The following MAML2 variants were observed in gnomAD, a reference collection of about 807,000 sequenced individuals.
The protein encoded by MAML2 is mastermind like transcriptional coactivator 2.
In MAML2, 22 loss-of-function variants were observed where a neutral mutation model predicts 96.1. That is an observed-to-expected ratio of 0.23 (90% CI 0.16 to 0.33). The LOEUF (loss-of-function observed/expected upper bound fraction) is 0.33, where lower values mean the gene tolerates loss of function less well. Among genes scored for constraint, MAML2 ranks in the 10% least tolerant of loss-of-function variants. MAML2 has a pLI of 1.00. For missense variants in MAML2, 1,367 were observed against 1,392.4 expected (o/e 0.98, Z 0.29); for synonymous variants, 561 against 521.3 (o/e 1.08, Z -1.04).
intron 1 of MAML2, among the ~76,000 whole-genome samples, chr11:96,323,182 G>A (rs1309555321): frequency 2.0e-5 from 3 of 151,858 alleles, no homozygotes; most frequent in African/African-American, 7.3e-5. Context: ...AGTGCTGAGG[G>A]TGGGGCTTAG....
chr11:96,106,292 A>T (rs1421296962), intron 1 of MAML2, among the ~76,000 whole-genome samples: 1 of 152,214 alleles, frequency 6.6e-6, no homozygotes, highest in Non-Finnish European at 1.5e-5. Flanking sequence ...AACTTTTGGC[A>T]GGTCAAAATT....
At chr11:95,999,036 T>C (rs1858041215) in intron 2 of MAML2, among the ~76,000 whole-genome samples, 2 of 152,180 alleles carry the variant, frequency 1.3e-5, no homozygotes, top group Non-Finnish European at 2.9e-5. Context: ...GTTAATTGTG[T>C]TTCTCTCAAA....
intron 2 of MAML2, among the ~76,000 whole-genome samples, chr11:96,023,851 T>C (rs1858474227): frequency 6.6e-6 from 1 of 151,952 alleles, no homozygotes; most frequent in Admixed American, 6.6e-5. Flanking sequence ...AAATGTGAGG[T>C]TATTAGGATG....
intron 1 of MAML2, among the ~76,000 whole-genome samples, chr11:96,306,246 A>G (rs1232435493): frequency 6.6e-6 from 1 of 152,196 alleles, no homozygotes; most frequent in African/African-American, 2.4e-5. Flanking sequence ...TTTAGGCTAA[A>G]AATGGAAATT....
intron 1 of MAML2, among the ~76,000 whole-genome samples, chr11:96,144,272 C>T (rs915089107): frequency 6.6e-5 from 10 of 152,232 alleles, no homozygotes; most frequent in African/African-American, 2.4e-4. Flanking sequence ...TAAACAAATA[C>T]GTACATCTAG....
intron 1 of MAML2, among the ~76,000 whole-genome samples, chr11:96,322,302 C>T (rs74740328): frequency 0.064 from 9,748 of 152,116 alleles, 573 homozygotes; most frequent in East Asian, 0.31. Context: ...TAAGAGGTCA[C>T]TTAAAAATAA....
chr11:96,277,546 G>T (rs773342501), intron 1 of MAML2, among the ~76,000 whole-genome samples: 4 of 152,040 alleles, frequency 2.6e-5, no homozygotes, highest in Non-Finnish European at 5.9e-5. Context: ...GAGATCAGGA[G>T]TTTGAGACCA....
chr11:96,262,825 G>A (rs530020266), intron 1 of MAML2, among the ~76,000 whole-genome samples: 1 of 152,242 alleles, frequency 6.6e-6, no homozygotes, highest in Admixed American at 6.5e-5. Context: ...GATAAACATG[G>A]CAAGTGCCAT....
At chr11:96,079,857 A>G (rs12365545) in intron 2 of MAML2, among the ~76,000 whole-genome samples, 52,848 of 152,134 alleles carry the variant, frequency 0.35, 10,538 homozygotes, top group South Asian at 0.45. Context: ...AAGTCGTAGG[A>G]CGACAGCTGT....
At chr11:96,191,030 A>G (rs1260008402) in intron 1 of MAML2, among the ~76,000 whole-genome samples, 2 of 152,204 alleles carry the variant, frequency 1.3e-5, no homozygotes, top group African/African-American at 4.8e-5. Context: ...CCCCTTTTAG[A>G]AGGAGGATTG....
intron 2 of MAML2, among the ~76,000 whole-genome samples, chr11:96,089,273 G>C (rs1272601094): frequency 6.6e-6 from 1 of 152,140 alleles, no homozygotes; most frequent in Non-Finnish European, 1.5e-5. Flanking sequence ...CACACTGGAT[G>C]AGACAACGAG....
At chr11:96,194,820 A>G (rs998348361) in intron 1 of MAML2, among the ~76,000 whole-genome samples, 2 of 152,204 alleles carry the variant, frequency 1.3e-5, no homozygotes, top group African/African-American at 2.4e-5. Context: ...CTGAGGTTCA[A>G]TTCATGATCC....
At chr11:96,265,086 C>CA (rs901311318) in intron 1 of MAML2, among the ~76,000 whole-genome samples, 1 of 152,128 alleles carries the variant, frequency 6.6e-6, no homozygotes, top group African/African-American at 2.4e-5. Context: ...TCTTTGTACA[C>CA]AAATACATAG....
chr11:96,011,696 C>T (rs1858269289), intron 2 of MAML2, among the ~76,000 whole-genome samples: 1 of 152,076 alleles, frequency 6.6e-6, no homozygotes, highest in Non-Finnish European at 1.5e-5. Flanking sequence ...AGCAAATCTG[C>T]ACATGTACCC....
chr11:96,327,777 G>GGCACTCA (rs1863804877), intron 1 of MAML2, among the ~76,000 whole-genome samples: 2 of 151,992 alleles, frequency 1.3e-5, no homozygotes, highest in South Asian at 4.1e-4. Flanking sequence ...AGGCACTCAT[G>GGCACTCA]TAACCAACTT....
At chr11:96,264,274 G>C (rs1038023094) in intron 1 of MAML2, among the ~76,000 whole-genome samples, 2 of 152,148 alleles carry the variant, frequency 1.3e-5, no homozygotes, top group African/African-American at 4.8e-5. Flanking sequence ...ACCCATCCAT[G>C]TGTTCGTTTT....
chr11:96,192,307 C>T (rs139899925), intron 1 of MAML2, among the ~76,000 whole-genome samples: 6 of 152,326 alleles, frequency 3.9e-5, no homozygotes, highest in African/African-American at 1.4e-4. Flanking sequence ...CTTGCTAGCT[C>T]TCCAAGACCA....
At chr11:96,021,125 A>G (rs929467470) in intron 2 of MAML2, among the ~76,000 whole-genome samples, 1 of 152,068 alleles carries the variant, frequency 6.6e-6, no homozygotes, top group Non-Finnish European at 1.5e-5. Flanking sequence ...CCTTGAGCCT[A>G]AATCAGTCAC....
intron 1 of MAML2, among the ~76,000 whole-genome samples, chr11:96,323,328 G>A (rs993941831): frequency 6.6e-6 from 1 of 152,044 alleles, no homozygotes; most frequent in Admixed American, 6.5e-5. Context: ...GTACGTTTCT[G>A]TTGCTCCTTC....
Sources: allele counts gnomAD v4.1 joint callset (sites outside exome capture counted in the v4.1 genomes callset), GRCh38; gene constraint gnomAD v4.1.1; transcripts MANE v1.5; gene names NCBI Gene and HGNC (gene_info 2026-07-23, HGNC 2026-07-21).